NPAS3: variants seen among roughly 807,000 people sequenced by gnomAD.
NPAS3 encodes the protein neuronal PAS domain protein 3, also known as neuronal PAS domain-containing protein 3.
In NPAS3, 14 loss-of-function variants were observed where a neutral mutation model predicts 73.1. The ratio of observed to expected loss-of-function variants is 0.19; its 90% CI spans 0.13 to 0.30. The LOEUF is 0.30. Among genes scored for constraint, NPAS3 ranks in the 10% least tolerant of loss-of-function variants. The probability of loss-of-function intolerance (pLI) is 1.00; values close to 1 mark genes in which losing one functional copy is unlikely to be tolerated. For missense variants in NPAS3, 1,096 were observed against 1,250.0 expected (o/e 0.88, Z 1.86); for synonymous variants, 620 against 541.5 (o/e 1.14, Z -2.01).
intron 10 of NPAS3, 49 bp from the exon 11 acceptor site, chr14:33,797,408 C>T (rs773134852): frequency 3.8e-6 from 6 of 1,593,514 alleles, no homozygotes; most frequent in South Asian, 3.4e-5. Context: ...TCCAAACAAA[C>T]CATGCAGAAT....
At chr14:33,577,536 A>C (rs1246743815) in intron 5 of NPAS3, among the ~76,000 whole-genome samples, 1 of 151,992 alleles carries the variant, frequency 6.6e-6, no homozygotes, top group Non-Finnish European at 1.5e-5. Flanking sequence ...CCCATTTGAC[A>C]GATATGGAAA....
At chr14:33,212,079 A>T (rs1014651733) in intron 2 of NPAS3, among the ~76,000 whole-genome samples, 1 of 152,238 alleles carries the variant, frequency 6.6e-6, no homozygotes, top group Non-Finnish European at 1.5e-5. Flanking sequence ...GTTTTAATAT[A>T]GTTCTTAATT....
At chr14:33,491,870 T>A (rs977992917) in intron 4 of NPAS3, among the ~76,000 whole-genome samples, 1 of 152,156 alleles carries the variant, frequency 6.6e-6, no homozygotes. Flanking sequence ...GTTTTAATTA[T>A]CTCTGCTGAA....
At chr14:33,199,989 G>C (rs778245848) in intron 2 of NPAS3, among the ~76,000 whole-genome samples, 4 of 151,798 alleles carry the variant, frequency 2.6e-5, no homozygotes, top group Admixed American at 6.6e-5. Flanking sequence ...GTACATTTAA[G>C]ATATTGTTAA....
intron 3 of NPAS3, among the ~76,000 whole-genome samples, chr14:33,320,175 T>A (rs960709370): frequency 6.6e-6 from 1 of 152,076 alleles, no homozygotes; most frequent in African/African-American, 2.4e-5. Context: ...AGAAGAACAC[T>A]ATGTGCTTAG....
intron 5 of NPAS3, 84 bp from the exon 6 acceptor site, chr14:33,676,111 TATTTTCTTTTCTACTC>T: frequency 6.9e-6 from 8 of 1,155,618 alleles, no homozygotes; most frequent in Non-Finnish European, 1.0e-5. Context: ...GACCTGAATG[TATTTTCTTTTCTACTC>T]AGAATCTGAA....
At chr14:33,392,948 C>T (rs1609496) in intron 4 of NPAS3, among the ~76,000 whole-genome samples, 58,650 of 151,944 alleles carry the variant, frequency 0.39, 11,663 homozygotes, top group African/African-American at 0.41. Context: ...TGAGCAACTA[C>T]AGGAAATAAT....
chr14:32,952,007 C>A (rs751381300), intron 1 of NPAS3, among the ~76,000 whole-genome samples: 11 of 151,798 alleles, frequency 7.2e-5, no homozygotes, highest in Non-Finnish European at 2.9e-5. Context: ...CTGGAAAATT[C>A]CCAATTAATG....
chr14:33,355,311 T>C (rs1215136573), intron 3 of NPAS3, among the ~76,000 whole-genome samples: 1 of 152,014 alleles, frequency 6.6e-6, no homozygotes, highest in African/African-American at 2.4e-5. Context: ...ACCGTTGCTC[T>C]TTTTTTTGAG....
intron 3 of NPAS3, among the ~76,000 whole-genome samples, chr14:33,366,833 T>TA (rs1408604771): frequency 3.3e-5 from 5 of 152,138 alleles, no homozygotes; most frequent in Admixed American, 3.3e-4. Context: ...TGCAGATGCT[T>TA]AAAAAAATCA....
intron 2 of NPAS3, among the ~76,000 whole-genome samples, chr14:33,130,192 T>C (rs1199305731): frequency 6.6e-6 from 1 of 152,146 alleles, no homozygotes; most frequent in Non-Finnish European, 1.5e-5. Context: ...TAATGGAGGA[T>C]TTGTTTTACT....
intron 3 of NPAS3, among the ~76,000 whole-genome samples, chr14:33,235,091 G>C (rs997381025): frequency 6.6e-6 from 1 of 151,952 alleles, no homozygotes; most frequent in East Asian, 1.9e-4. Flanking sequence ...ATATAGCTTT[G>C]GAAATAATAA....
chr14:33,098,123 A>G (rs191529780), intron 2 of NPAS3, among the ~76,000 whole-genome samples: 2 of 152,314 alleles, frequency 1.3e-5, no homozygotes, highest in Admixed American at 6.5e-5. Context: ...AACCCTTTAG[A>G]TATGCATTCC....
Position 33,542,410 on chromosome 14 carries a change from A to G in NPAS3, c.469-17711A>G, listed in dbSNP as rs529165561. Among the ~76,000 whole-genome samples the G allele has an allele frequency of 3.3e-5, 5 of 152,178 alleles. No homozygotes were observed. The South Asian group carries it at 1.0e-3, about 32-fold the overall frequency. On this transcript the variant is annotated intron_variant, in intron 4 of 11. Coordinates refer to ENST00000356141, the Ensembl canonical transcript of NPAS3. ...GTCATCTGCCCTTCCTGAAACAGAG[A>G]GGTGGCTGCTGGCCTTGGCAGACAA...
chr14:33,128,095 C>T (rs1304082907), intron 2 of NPAS3, among the ~76,000 whole-genome samples: 2 of 152,052 alleles, frequency 1.3e-5, no homozygotes, highest in Non-Finnish European at 2.9e-5. Flanking sequence ...TAATGTCAGC[C>T]ATAAAAATTC....
intron 1 of NPAS3, among the ~76,000 whole-genome samples, chr14:33,014,078 C>G (rs1028531588): frequency 6.6e-5 from 10 of 152,160 alleles, no homozygotes; most frequent in African/African-American, 2.4e-4. Flanking sequence ...TGACCTTACT[C>G]CTTACTTCCC....
At chr14:33,773,234 G>T (rs1263438012) in intron 7 of NPAS3, among the ~76,000 whole-genome samples, 1 of 152,216 alleles carries the variant, frequency 6.6e-6, no homozygotes, top group African/African-American at 2.4e-5. Context: ...TCAAAAGATA[G>T]CGTGGCACTC....
At chr14:32,937,154 G>A (rs937225183), upstream of NPAS3, among the ~76,000 whole-genome samples, 1 of 151,860 alleles carries the variant, frequency 6.6e-6, no homozygotes, top group Non-Finnish European at 1.5e-5. Context: ...TCATTGGCAG[G>A]TGTTGGAGGT....
At chr14:32,976,483 A>C (rs2037684385) in intron 1 of NPAS3, among the ~76,000 whole-genome samples, 1 of 152,196 alleles carries the variant, frequency 6.6e-6, no homozygotes. Flanking sequence ...TTCGTACTTT[A>C]GAAATGGAGT....
Sources: allele counts gnomAD v4.1 joint callset (sites outside exome capture counted in the v4.1 genomes callset), GRCh38; gene constraint gnomAD v4.1.1; transcripts MANE v1.5; gene names NCBI Gene and HGNC (gene_info 2026-07-23, HGNC 2026-07-21).